FUNDC1: variants seen among roughly 807,000 people sequenced by gnomAD.
FUNDC1 encodes FUN14 domain-containing protein 1.
A neutral mutation model predicts 14.5 loss-of-function variants in FUNDC1; 10 were observed. That is an observed-to-expected ratio of 0.69 (90% CI 0.43 to 1.17). The LOEUF is 1.17. Among genes scored for constraint, FUNDC1 ranks in the 50% most tolerant of loss-of-function variants. FUNDC1 has a pLI of 0.00. For missense variants in FUNDC1, 115 were observed against 113.8 expected (o/e 1.01, Z -0.05); for synonymous variants, 33 against 39.7 (o/e 0.83, Z 0.64).
intron 3 of FUNDC1, 119 bp from the exon 4 acceptor site, chrX:44,527,484 T>C (rs375250625): frequency 6.6e-5 from 32 of 482,377 alleles, no homozygotes; most frequent in Admixed American, 1.5e-4. Flanking sequence ...AGCTAAGAAA[T>C]TGCTTTTTCT....
At chrX:44,535,757 G>A (rs773632274) in intron 3 of FUNDC1, among the ~76,000 whole-genome samples, 54 of 109,038 alleles carry the variant, frequency 5.0e-4, no homozygotes, top group African/African-American at 1.3e-3. Flanking sequence ...AGGCCAAGGC[G>A]GGTGGATCGC....
intron 4 of FUNDC1, among the ~76,000 whole-genome samples, chrX:44,525,547 T>C (rs1418152852): frequency 9.0e-6 from 1 of 110,650 alleles, no homozygotes; most frequent in Admixed American, 9.7e-5. Flanking sequence ...AAAATATTAA[T>C]ATGAACTGCA....
In FUNDC1 at chrX:44,536,382, A is replaced by G. The variant is rs557835716; in HGVS notation, c.261+2085T>C. 1.6e-3 allele frequency among the ~76,000 whole-genome samples: 174 copies of G among 110,336 alleles called. 1 individual carries two copies. Among genetic ancestry groups the G allele is most frequent in the African/African-American group, 5.4e-3 (165 of 30,379 alleles). ...AATAATGGCCAAAACCTTCCCAAAC[A>G]TGATTAAAGACATAAATTCACAGGC... On this transcript the variant is annotated intron_variant, in intron 3 of 4. Coordinates refer to ENST00000378045, the MANE Select transcript of FUNDC1 (RefSeq NM_173794.4).
Position 44,526,416 on chromosome X carries a change from C to T in FUNDC1, c.390+821G>A, listed in dbSNP as rs769329664. 1.8e-4 allele frequency among the ~76,000 whole-genome samples: 18 copies of T among 102,259 alleles called. No homozygotes were observed. In the East Asian group the frequency reaches 5.6e-3, roughly 32 times the overall value. The allele number at this position is 102,259 out of a possible 115,157, so 88.8% of individuals were successfully genotyped here. ...CTGCACTCCAGCCTGGGCTACAGGG[C>T]GAGAACCCGTCTCAAAAAAGAAAAA... is the stretch of plus-strand genomic sequence containing the variant. On this transcript the variant is annotated intron_variant, in intron 4 of 4. Coordinates refer to ENST00000378045, the MANE Select transcript of FUNDC1 (RefSeq NM_173794.4).
intron 1 of FUNDC1, 123 bp from the exon 2 acceptor site, chrX:44,542,224 A>G: frequency 4.0e-6 from 2 of 503,790 alleles, no homozygotes; most frequent in Non-Finnish European, 6.6e-6. Context: ...AAATGCCCAC[A>G]TAGAAACTAC....
chrX:44,542,135 G>A, intron 1 of FUNDC1, 34 bp from the exon 2 acceptor site: 1 of 1,083,580 alleles, frequency 9.2e-7, no homozygotes, highest in Non-Finnish European at 1.3e-6. Context: ...AATAAATGTA[G>A]AGTCAATCAA....
intron 1 of FUNDC1, 106 bp downstream of exon 1, chrX:44,542,699 T>C (rs757235667): frequency 1.3e-5 from 10 of 787,289 alleles, no homozygotes; most frequent in Non-Finnish European, 1.8e-5. Context: ...AAAAAAAAAA[T>C]GGAGCTCGAA....
chrX:44,540,237 C>T (rs1395778944), intron 2 of FUNDC1, among the ~76,000 whole-genome samples: 1 of 111,607 alleles, frequency 9.0e-6, no homozygotes, highest in Admixed American at 9.7e-5. Flanking sequence ...TAGGTTAGTG[C>T]CTATTAACTG....
chrX:44,535,056 G>A (rs928018265), intron 3 of FUNDC1, among the ~76,000 whole-genome samples: 1 of 111,220 alleles, frequency 9.0e-6, no homozygotes, highest in Non-Finnish European at 1.9e-5. Context: ...TGAGGCAGGA[G>A]GATCCCTTGA....
chrX:44,533,650 C>CAAAA (rs1420752819), intron 3 of FUNDC1, among the ~76,000 whole-genome samples: 1 of 71,089 alleles, frequency 1.4e-5, no homozygotes, highest in African/African-American at 5.9e-5. Flanking sequence ...AAAAAAAAAA[C>CAAAA]AACAAAACAA....
chrX:44,532,912 G>A (rs1014026058), intron 3 of FUNDC1, among the ~76,000 whole-genome samples: 2 of 112,031 alleles, frequency 1.8e-5, no homozygotes, highest in African/African-American at 6.5e-5. Context: ...TAAATGGCTA[G>A]TCACTGCAGA....
In FUNDC1 at chrX:44,531,312, C is replaced by CACACACACACA. The variant is rs1477318576; in HGVS notation, c.262-3948_262-3947insTGTGTGTGTGT. Among the ~76,000 whole-genome samples the CACACACACACA allele has an allele frequency of 9.2e-4, 21 of 22,795 alleles. 3 individuals are homozygous for CACACACACACA. Among genetic ancestry groups the CACACACACACA allele is most frequent in the African/African-American group, 5.0e-3 (5 of 991 alleles). 19.8% of individuals were successfully genotyped at this position (22,795 alleles called of 115,157 possible). A position where few individuals can be genotyped will look rare whatever the true frequency, so the allele number is the denominator to read the frequency against. ...GCTTTCAGATGAAGATTCATGTTGGCCAGACACACACACACACACACACAC... is the reference window on the plus strand; with the variant it reads ...GCTTTCAGATGAAGATTCATGTTGGCACACACACACACAGACACACACACACACACACACAC... On this transcript the variant is annotated intron_variant, in intron 3 of 4. Coordinates refer to ENST00000378045, the MANE Select transcript of FUNDC1 (RefSeq NM_173794.4).
intron 3 of FUNDC1, among the ~76,000 whole-genome samples, chrX:44,536,297 C>T (rs1405650497): frequency 1.6e-4 from 16 of 98,319 alleles, no homozygotes; most frequent in African/African-American, 4.5e-4. Flanking sequence ...CTAGCCTGGG[C>T]GACAGAGCGA....
intron 2 of FUNDC1, among the ~76,000 whole-genome samples, chrX:44,540,005 G>C (rs964393046): frequency 9.9e-5 from 11 of 110,808 alleles, no homozygotes; most frequent in Non-Finnish European, 5.7e-5. Context: ...AACATTATTT[G>C]ACTGTCTTCT....
chrX:44,531,765 A>AACAC (rs143142516), intron 3 of FUNDC1, among the ~76,000 whole-genome samples: 1,177 of 87,370 alleles, frequency 0.013, 26 homozygotes, highest in African/African-American at 0.041. Context: ...AGAAGCTTAA[A>AACAC]ACACACACAC....
chrX:44,531,765 AACACACACACACAC>A (rs143142516), intron 3 of FUNDC1, among the ~76,000 whole-genome samples: 6 of 87,377 alleles, frequency 6.9e-5, no homozygotes, highest in Admixed American at 3.9e-4. Context: ...AGAAGCTTAA[AACACACACACACAC>A]ACACACACAC....
At chrX:44,526,820 A>T (rs2038904199) in intron 4 of FUNDC1, among the ~76,000 whole-genome samples, 1 of 111,295 alleles carries the variant, frequency 9.0e-6, no homozygotes, top group South Asian at 3.7e-4. Flanking sequence ...ACAAAAGTAA[A>T]GGGTCAAATT....
In FUNDC1 at chrX:44,523,952, A is replaced by T. The variant is rs1367894580; in HGVS notation, c.*246T>A. On this transcript the variant is annotated 3_prime_UTR_variant, in exon 5 of 5. Coordinates refer to ENST00000378045, the MANE Select transcript of FUNDC1 (RefSeq NM_173794.4). Reference sequence around the variant, plus strand: ...AGTTTCTAAACAGATGCAAATTTTTACAAAGCGATGAAAGCCACGTTTTGC... The same window carrying T: ...AGTTTCTAAACAGATGCAAATTTTTTCAAAGCGATGAAAGCCACGTTTTGC... 11 of 298,353 alleles carry T rather than the reference A, an allele frequency of 3.7e-5. No individual in the cohort carries two copies. The East Asian group carries it at 4.1e-4, about 11-fold the overall frequency. 24.6% of individuals were successfully genotyped at this position (298,353 alleles called of 1,213,427 possible). A position where few individuals can be genotyped will look rare whatever the true frequency, so the allele number is the denominator to read the frequency against.
At chrX:44,541,292 A>G (rs188238247) in intron 2 of FUNDC1, among the ~76,000 whole-genome samples, 78 of 112,325 alleles carry the variant, frequency 6.9e-4, no homozygotes, top group Middle Eastern at 4.6e-3. Flanking sequence ...GATCCACAGT[A>G]GCCATTGTGT....
Sources: allele counts gnomAD v4.1 joint callset (sites outside exome capture counted in the v4.1 genomes callset), GRCh38; gene constraint gnomAD v4.1.1; transcripts MANE v1.5; gene names NCBI Gene and HGNC (gene_info 2026-07-23, HGNC 2026-07-21).